Variants in NRG1 observed in about 807,000 individuals in gnomAD.
NRG1 encodes the protein neuregulin 1, also known as pro-neuregulin-1, membrane-bound isoform.
Under a neutral mutation model 63.8 loss-of-function variants are expected in NRG1, and 18 were observed. The ratio of observed to expected loss-of-function variants is 0.28; its 90% confidence interval spans 0.19 to 0.42. The LOEUF is 0.42. NRG1 is among the 10% of genes least tolerant of loss of function. NRG1 has a pLI of 1.00. For synonymous variants in NRG1, 302 were observed against 301.3 expected, an observed-to-expected ratio of 1.00 and a Z score of -0.02; for missense variants, 762 against 814.7, an observed-to-expected ratio of 0.94 and a Z score of 0.79.
At chr8:32,307,792 C>G (rs1856381541) in intron 1 of NRG1, among the ~76,000 whole-genome samples, 1 of 152,148 alleles carries the variant, frequency 6.6e-6, no homozygotes, top group Non-Finnish European at 1.5e-5. Flanking sequence ...GCAGGGTACT[C>G]ATGCCACTCA....
At chr8:32,665,681 T>C (rs1589078483) in intron 5 of NRG1, among the ~76,000 whole-genome samples, 4 of 152,326 alleles carry the variant, frequency 2.6e-5, no homozygotes, top group African/African-American at 9.6e-5. Context: ...AATTTCTACT[T>C]GTACAATTTC....
At chr8:32,121,339 A>G (rs1290938148) in intron 1 of NRG1, among the ~76,000 whole-genome samples, 2 of 151,764 alleles carry the variant, frequency 1.3e-5, no homozygotes, top group African/African-American at 2.4e-5. Context: ...TTAAGTGTTG[A>G]TTTGTTGCCA....
At chr8:32,440,108 GGA>G (rs376924171) in intron 1 of NRG1, among the ~76,000 whole-genome samples, 3 of 152,000 alleles carry the variant, frequency 2.0e-5, no homozygotes, top group Admixed American at 1.3e-4. Context: ...CAAGGTGGCA[GGA>G]GAGAGAGAGA....
chr8:32,064,630 A>C (rs951560226), intron 1 of NRG1, among the ~76,000 whole-genome samples: 1 of 152,138 alleles, frequency 6.6e-6, no homozygotes, highest in African/African-American at 2.4e-5. Flanking sequence ...AAATGTATAG[A>C]TTATTGTGAA....
intron 1 of NRG1, among the ~76,000 whole-genome samples, chr8:31,862,776 C>T (rs948475809): frequency 6.6e-6 from 1 of 152,046 alleles, no homozygotes; most frequent in African/African-American, 2.4e-5. Flanking sequence ...ATGGCAATTC[C>T]GATAACAAGA....
chr8:32,205,118 T>C (rs968970233), intron 1 of NRG1, among the ~76,000 whole-genome samples: 2 of 152,194 alleles, frequency 1.3e-5, no homozygotes, highest in African/African-American at 4.8e-5. Flanking sequence ...ATAAATGGCT[T>C]AGAGGCTTAG....
chr8:32,007,954 C>T (rs1290710856), intron 1 of NRG1, among the ~76,000 whole-genome samples: 1 of 151,826 alleles, frequency 6.6e-6, no homozygotes, highest in Non-Finnish European at 1.5e-5. Flanking sequence ...ACTCCAAAGC[C>T]CTACAGGATT....
chr8:32,615,525 G>T (rs1450119662), intron 4 of NRG1, among the ~76,000 whole-genome samples: 1 of 152,082 alleles, frequency 6.6e-6, no homozygotes, highest in African/African-American at 2.4e-5. Flanking sequence ...AAGTAGAAGA[G>T]AAGGTATTTC....
At chr8:31,639,451 G>A in intron 1 of NRG1, 1 of 1,533,370 alleles carries the variant, frequency 6.5e-7, no homozygotes, top group Non-Finnish European at 8.7e-7. Flanking sequence ...CTGGCGAGGC[G>A]CAGGACGCTG....
intron 5 of NRG1, among the ~76,000 whole-genome samples, chr8:32,717,222 G>A (rs1025906674): frequency 1.3e-5 from 2 of 152,010 alleles, no homozygotes; most frequent in Non-Finnish European, 2.9e-5. Flanking sequence ...AGCTAGTCCT[G>A]GTTTTGGGTG....
intron 7 of NRG1, among the ~76,000 whole-genome samples, chr8:32,748,356 C>CAGAGAGAG (rs1194142025): frequency 1.2e-5 from 1 of 81,002 alleles, no homozygotes; most frequent in African/African-American, 4.0e-5. Flanking sequence ...CACACACACA[C>CAGAGAGAG]ACAGAGAGAG....
chr8:31,965,149 T>C (rs34623108), intron 1 of NRG1, among the ~76,000 whole-genome samples: 10,857 of 152,196 alleles, frequency 0.071, 500 homozygotes, highest in Admixed American at 0.13. Context: ...TATATATATA[T>C]ACTACATTTT....
chr8:32,730,002 AG>A (rs11298352), intron 6 of NRG1, among the ~76,000 whole-genome samples: 8,638 of 152,254 alleles, frequency 0.057, 813 homozygotes, highest in African/African-American at 0.2. Flanking sequence ...AATTTGTAAA[AG>A]TAAATGTAAT....
At position 32,742,201 on chromosome 8, in the gene NRG1, G is replaced by T; in HGVS notation, c.633-474G>T. 1 of 762,950 alleles carries T rather than the reference G, an allele frequency of 1.3e-6. No individual in the cohort carries two copies. 47.3% of individuals were successfully genotyped at this position (762,950 alleles called of 1,614,324 possible). A position where few individuals can be genotyped will look rare whatever the true frequency, so the allele number is the denominator to read the frequency against. On this transcript the variant is annotated intron_variant, in intron 6 of 11. Coordinates refer to ENST00000356819, the Ensembl canonical transcript of NRG1. The surrounding 1 kb of genome is among the most constrained non-coding windows in gnomAD (Gnocchi z 4.2). ...TCTAATTATGGCTTAACCTCTCAAG[G>T]CATAAACCCATTCAGTGTTACCTTA...
chr8:32,667,467 T>C (rs1804493353), intron 5 of NRG1, among the ~76,000 whole-genome samples: 1 of 152,206 alleles, frequency 6.6e-6, no homozygotes, highest in African/African-American at 2.4e-5. Context: ...GTGGTGGGTG[T>C]GAAAGTTAAA....
intron 1 of NRG1, among the ~76,000 whole-genome samples, chr8:32,137,382 C>CA (rs1835678787): frequency 6.6e-6 from 1 of 152,016 alleles, no homozygotes; most frequent in Admixed American, 6.6e-5. Flanking sequence ...GCCAAGGTTG[C>CA]AATGAGCCGA....
intron 1 of NRG1, among the ~76,000 whole-genome samples, chr8:31,802,405 G>C (rs56222511): frequency 6.6e-6 from 1 of 151,814 alleles, no homozygotes; most frequent in African/African-American, 2.4e-5. Context: ...TAAATTCCTC[G>C]TACATACAAG....
intron 1 of NRG1, among the ~76,000 whole-genome samples, chr8:31,874,835 A>G (rs1409849398): frequency 6.6e-6 from 1 of 151,242 alleles, no homozygotes; most frequent in Non-Finnish European, 1.5e-5. Flanking sequence ...TTCTGTGTAC[A>G]TGTGACTCAC....
rs552408238 is a variant in NRG1, at chr8:32,437,467, G to A, written c.38-158361G>A. Among the ~76,000 whole-genome samples, 15 of 152,242 alleles carry A rather than the reference G, an allele frequency of 9.9e-5. No homozygotes were observed. In the South Asian group the frequency reaches 1.4e-3, roughly 15 times the overall value. The stretch of plus-strand genomic sequence containing the variant: ...TTTACCTCTGTCTTGCCTCCAATGC[G>A]CAGCATGAAGCCTGGCTCTATGATC... On this transcript the variant is annotated intron_variant, in intron 1 of 10. Coordinates refer to the NRG1 transcript ENST00000519301.
Sources: gnomAD v4.1 joint callset for allele counts (sites outside exome capture counted in the v4.1 genomes callset) on GRCh38, gnomAD v4.1.1 for gene constraint, Gnocchi (gnomAD v3.1) non-coding constraint, MANE v1.5 for transcripts, NCBI Gene and HGNC (gene_info 2026-07-23, HGNC 2026-07-21) for gene names.